The following SMYD3 variants were observed in gnomAD, a reference collection of about 807,000 sequenced individuals.
SMYD3 encodes SET and MYND domain containing 3.
Under a neutral mutation model 57.7 loss-of-function variants are expected in SMYD3, and 36 were observed. The observed-to-expected ratio is 0.62, with a 90% confidence interval of 0.48 to 0.82. SMYD3 has a LOEUF of 0.82. Ranked by LOEUF, SMYD3 falls within the 40% of genes least tolerant of loss-of-function variation. SMYD3 has a pLI of 0.00. For synonymous variants in SMYD3, 211 were observed against 195.0 expected, an observed-to-expected ratio of 1.08 and a Z score of -0.68; for missense variants, 515 against 538.8, an observed-to-expected ratio of 0.96 and a Z score of 0.44.
At chr1:246,507,010 C>T (rs769930482) in intron 1 of SMYD3, 44 bp downstream of exon 1, 14 of 1,371,630 alleles carry the variant, frequency 1.0e-5, no homozygotes, top group Non-Finnish European at 7.7e-6. Flanking sequence ...CCCAGCACCC[C>T]ACACAGCTCG....
chr1:245,972,266 G>A (rs774994697), intron 5 of SMYD3, among the ~76,000 whole-genome samples: 1 of 152,166 alleles, frequency 6.6e-6, no homozygotes, highest in Non-Finnish European at 1.5e-5. Context: ...GTCTGGTGGT[G>A]GGAGACCTGC....
At chr1:246,216,499 G>C (rs1201491688) in intron 5 of SMYD3, among the ~76,000 whole-genome samples, 3 of 152,040 alleles carry the variant, frequency 2.0e-5, no homozygotes, top group Non-Finnish European at 4.4e-5. Flanking sequence ...TATGGATTAG[G>C]TATTACAGAA....
At chr1:245,835,908 C>T (rs2050084899) in intron 10 of SMYD3, among the ~76,000 whole-genome samples, 1 of 152,150 alleles carries the variant, frequency 6.6e-6, no homozygotes, top group South Asian at 2.1e-4. Flanking sequence ...TTAGCGTTAA[C>T]AGTGCCTGTG....
At chr1:246,353,608 A>T (rs1376639974) in intron 2 of SMYD3, among the ~76,000 whole-genome samples, 1 of 152,238 alleles carries the variant, frequency 6.6e-6, no homozygotes, top group Non-Finnish European at 1.5e-5. Context: ...ATGTTAGAGC[A>T]AGAACAGAAT....
chr1:245,990,277 C>T (rs1163933187), intron 5 of SMYD3, among the ~76,000 whole-genome samples: 1 of 152,078 alleles, frequency 6.6e-6, no homozygotes, highest in African/African-American at 2.4e-5. Flanking sequence ...TTTGTAAAGA[C>T]AGGGTCTCAC....
At chr1:246,313,059 C>T (rs1257046531) in intron 5 of SMYD3, among the ~76,000 whole-genome samples, 9 of 151,998 alleles carry the variant, frequency 5.9e-5, no homozygotes, top group Admixed American at 5.9e-4. Flanking sequence ...GGACCACAGG[C>T]ATGAGCCACC....
chr1:246,018,768 C>CT (rs200338008), intron 5 of SMYD3, among the ~76,000 whole-genome samples: 22,177 of 141,194 alleles, frequency 0.16, 1,937 homozygotes, highest in East Asian at 0.43. Flanking sequence ...ACCATGCTGG[C>CT]TTTTTTTTTT....
intron 1 of SMYD3, among the ~76,000 whole-genome samples, chr1:246,455,517 T>G (rs2067689464): frequency 6.6e-6 from 1 of 152,164 alleles, no homozygotes; most frequent in Non-Finnish European, 1.5e-5. Context: ...TAGAAAGAAA[T>G]GAGTTCTATT....
chr1:245,953,643 A>T (rs779189662), intron 5 of SMYD3, among the ~76,000 whole-genome samples: 6 of 151,084 alleles, frequency 4.0e-5, no homozygotes, highest in Non-Finnish European at 8.8e-5. Context: ...CTGATCTTGA[A>T]CTCCTGACCT....
At chr1:246,326,285 A>G in intron 5 of SMYD3, 1 of 588,918 alleles carries the variant, frequency 1.7e-6, no homozygotes, top group Non-Finnish European at 3.1e-6. Flanking sequence ...AAACAAATGC[A>G]AACACACAAT....
chr1:246,161,895 T>G (rs1001575437), intron 5 of SMYD3, among the ~76,000 whole-genome samples: 25 of 151,990 alleles, frequency 1.6e-4, no homozygotes, highest in African/African-American at 5.8e-4. Flanking sequence ...CTCCTAGAAG[T>G]AGGAGTTTGC....
At chr1:246,485,606 A>C (rs1164686644) in intron 1 of SMYD3, among the ~76,000 whole-genome samples, 4 of 148,878 alleles carry the variant, frequency 2.7e-5, no homozygotes, top group East Asian at 4.0e-4. Context: ...ATACAGTGAG[A>C]CCCCCCCCCA....
chr1:246,157,215 T>C (rs2062035824), intron 5 of SMYD3, among the ~76,000 whole-genome samples: 1 of 152,130 alleles, frequency 6.6e-6, no homozygotes, highest in African/African-American at 2.4e-5. Context: ...TGTTTGTAGC[T>C]TGTGTTTTGG....
At chr1:245,952,510 T>G (rs1481815687) in intron 5 of SMYD3, among the ~76,000 whole-genome samples, 1 of 152,116 alleles carries the variant, frequency 6.6e-6, no homozygotes, top group African/African-American at 2.4e-5. Flanking sequence ...CTAGAATCAA[T>G]CAGAAAGCCG....
intron 5 of SMYD3, among the ~76,000 whole-genome samples, chr1:246,272,763 T>C (rs534943296): frequency 6.6e-6 from 1 of 152,330 alleles, no homozygotes; most frequent in African/African-American, 2.4e-5. Context: ...ATAATATCTT[T>C]GTCTGGCTTT....
intron 5 of SMYD3, chr1:246,326,807 T>C (rs571515559): frequency 3.9e-6 from 1 of 254,080 alleles, no homozygotes; most frequent in East Asian, 1.0e-4. Context: ...AATAAATTTT[T>C]CATTTCAAAG....
intron 5 of SMYD3, among the ~76,000 whole-genome samples, chr1:246,211,521 T>C (rs1438496643): frequency 6.8e-6 from 1 of 146,322 alleles, no homozygotes; most frequent in African/African-American, 2.6e-5. Context: ...TTCTTTCAGA[T>C]GGGCAATGTT....
chr1:246,357,852 G>A (rs774504885), intron 1 of SMYD3, among the ~76,000 whole-genome samples: 8 of 151,974 alleles, frequency 5.3e-5, no homozygotes, highest in Non-Finnish European at 1.2e-4. Context: ...CACCAAAATA[G>A]AACCTCCTTA....
chr1:246,479,853 G>A (rs1406603371), intron 1 of SMYD3, among the ~76,000 whole-genome samples: 6 of 152,040 alleles, frequency 3.9e-5, no homozygotes, highest in African/African-American at 9.7e-5. Flanking sequence ...TGTATCTTCA[G>A]TACCAACAAC....
Sources: allele counts gnomAD v4.1 joint callset (sites outside exome capture counted in the v4.1 genomes callset), GRCh38; gene constraint gnomAD v4.1.1; transcripts MANE v1.5; gene names NCBI Gene and HGNC (gene_info 2026-07-23, HGNC 2026-07-21).